HMCN2: variants seen among roughly 807,000 people sequenced by gnomAD.
HMCN2 encodes hemicentin-2.
HMCN2 carries 325 observed loss-of-function variants against 377.5 expected under a neutral mutation model. The ratio of observed to expected loss-of-function variants is 0.86; its 90% CI spans 0.79 to 0.94. HMCN2 has a LOEUF of 0.94. Ranked by LOEUF, HMCN2 falls within the 40% of genes least tolerant of loss-of-function variation. The pLI, the probability that HMCN2 is intolerant of heterozygous loss-of-function variation, is 0.00. For synonymous variants in HMCN2, 2,007 were observed against 2,046.8 expected (o/e 0.98, Z 0.53); for missense variants, 4,543 against 4,725.3 (o/e 0.96, Z 1.13).
rs1490559560 is a variant in HMCN2 at position 130,352,910 on chromosome 9, A to G, written c.4586-17A>G. 8.0e-7 allele frequency: 1 copy of G among 1,251,172 alleles called. No individual in the cohort carries two copies. Among genetic ancestry groups the G allele is most frequent in the East Asian group, 5.8e-5 (1 of 17,376 alleles). 77.5% of individuals were successfully genotyped at this position (1,251,172 alleles called of 1,614,324 possible). ...TCAGCGGCTGCCTGTGACCAGCCCC[A>G]CCTCTTTCCTTCTCAGCGCCCCCCA... On this transcript the variant is annotated splice_polypyrimidine_tract_variant and intron_variant, in intron 30 of 97. Coordinates refer to ENST00000683500, the MANE Select transcript of HMCN2 (RefSeq NM_001291815.2).
chr9:130,373,117 C>T lies in HMCN2; in HGVS notation c.7431C>T (p.Asn2477=), dbSNP rs542742227. The change falls in exon 48 of 98, where the codon AAC becomes AAT. Residue 2477 remains asparagine (N), a synonymous_variant. Transcript: ENST00000683500. ...LDGQTAHLMC[N]VTGHPQPKLT... is the part of the protein sequence containing the mutation. ...GACAGACTGCCCATCTTATGTGCAA[C>T]GTCACAGGTAAGGGCCACATGATGT... is the stretch of plus-strand genomic sequence containing the variant. The T allele has an allele frequency of 1.7e-4, 169 of 980,158 alleles. No individual in the cohort carries two copies. The South Asian group carries it at 2.4e-3, about 14-fold the overall frequency. 60.7% of individuals were successfully genotyped at this position (980,158 alleles called of 1,614,324 possible).
rs932984592 is a variant in HMCN2 at position 130,335,165 on chromosome 9, C to A, written c.3360-2729C>A. Among the ~76,000 whole-genome samples the A allele has an allele frequency of 3.3e-5, 5 of 152,072 alleles. No homozygotes were observed. In the South Asian group the frequency reaches 1.0e-3, roughly 32 times the overall value. ...TCGGATCCAGAACTCCAGTTTCTAG[C>A]CCAGACCTCTTCCTACTGGCCCACA... On this transcript the variant is annotated intron_variant, in intron 22 of 97. Coordinates refer to ENST00000683500, the MANE Select transcript of HMCN2 (RefSeq NM_001291815.2).
intron 22 of HMCN2, among the ~76,000 whole-genome samples, chr9:130,336,132 G>T (rs1838736658): frequency 6.6e-6 from 1 of 152,118 alleles, no homozygotes; most frequent in Admixed American, 6.5e-5. Flanking sequence ...AGGAAAGAAG[G>T]AAGGAGAAAG....
rs1322522012 is a variant in HMCN2, at chr9:130,351,487, G to A, written c.4495G>A (p.Gly1499Ser). 32 of 1,304,180 alleles carry A rather than the reference G, an allele frequency of 2.5e-5. 1 individual carries two copies. Among genetic ancestry groups the A allele is most frequent in the African/African-American group, 3.0e-5 (2 of 65,868 alleles). The allele number at this position is 1,304,180 out of a possible 1,614,324, so 80.8% of individuals were successfully genotyped here. A position where few individuals can be genotyped will look rare whatever the true frequency, so the allele number is the denominator to read the frequency against. The change falls in exon 30 of 98, where the codon GGC becomes AGC. Residue 1499 changes from glycine (G) to serine (S), a missense_variant. Physicochemically the swap from Gly to Ser is moderately conservative, Grantham distance 56 (BLOSUM62 0). Transcript: ENST00000683500. The surrounding 1 kb of genome is among the most constrained non-coding windows in gnomAD (Gnocchi z 5.4). The part of the protein sequence containing the change: ...QEDGQVLRIT[G>S]SHVGDEGRYQ... ...GGATGGCCAGGTTCTCAGGATCACCGGCAGTCACGTGGGGGATGAGGGACG... is the reference window on the plus strand; with the variant it reads ...GGATGGCCAGGTTCTCAGGATCACCAGCAGTCACGTGGGGGATGAGGGACG...
At chr9:130,420,353 C>T (rs1340720479) in intron 86 of HMCN2, among the ~76,000 whole-genome samples, 3 of 152,114 alleles carry the variant, frequency 2.0e-5, no homozygotes, top group Admixed American at 1.3e-4. Flanking sequence ...GGATTACAGG[C>T]GTGAGCCACC....
At chr9:130,268,438 A>G (rs1834237312) in intron 1 of HMCN2, among the ~76,000 whole-genome samples, 1 of 125,400 alleles carries the variant, frequency 8.0e-6, no homozygotes, top group Non-Finnish European at 2.0e-5. Flanking sequence ...GAGCCCAGGG[A>G]GGCTCACAGT....
chr9:130,399,632 G>A lies in HMCN2; in HGVS notation c.11605G>A (p.Val3869Met), dbSNP rs1842771523. 1 of 1,288,466 alleles carries A rather than the reference G, an allele frequency of 7.8e-7. No homozygotes were observed. Among genetic ancestry groups the A allele is most frequent in the Non-Finnish European group, 1.0e-6 (1 of 987,590 alleles). The allele number at this position is 1,288,466 out of a possible 1,614,324, so 79.8% of individuals were successfully genotyped here. Residue 3869 changes from valine (V) to methionine (M), a missense_variant and splice_region_variant, in exon 76 of 98, where the codon GTG (valine) becomes ATG (methionine). Val to Met is a conservative substitution (Grantham distance 21). Coordinates refer to ENST00000683500, the MANE Select transcript of HMCN2 (RefSeq NM_001291815.2). ...CAGGCTCTACCAGGTGACCGTCCAT[G>A]GTGAGTCGGGGCAGAGGTGGAGGGG... ...AHRLYQVTVHVPPTIADDQTD... is the reference protein window; with the variant it reads ...AHRLYQVTVHMPPTIADDQTD...
In HMCN2 at chr9:130,351,699, G is replaced by T; in HGVS notation, c.4585+122G>T. ...GGGGGACCTGGTGAGTGATCCCTGAGTCCAAGAAAGCTGGGGGCTGGGGTC... is the reference window on the plus strand; with the variant it reads ...GGGGGACCTGGTGAGTGATCCCTGATTCCAAGAAAGCTGGGGGCTGGGGTC... On this transcript the variant is annotated intron_variant, in intron 30 of 97. Coordinates refer to ENST00000683500, the MANE Select transcript of HMCN2 (RefSeq NM_001291815.2). This position sits in a 1 kb window ranked among gnomAD's most constrained non-coding sequence, Gnocchi z 5.4. 2.5e-6 allele frequency: 2 copies of T among 813,006 alleles called. No homozygotes were observed. The highest frequency in any genetic ancestry group is 1.7e-6 in the Non-Finnish European group (1 of 600,150). 50.4% of individuals were successfully genotyped at this position (813,006 alleles called of 1,614,324 possible). A position where few individuals can be genotyped will look rare whatever the true frequency, so the allele number is the denominator to read the frequency against.
chr9:130,429,854 T>A, intron 94 of HMCN2, 169 bp downstream of exon 94: 2 of 1,287,608 alleles, frequency 1.6e-6, no homozygotes, highest in East Asian at 2.7e-5. Context: ...GTTCTGAGAA[T>A]AACCAAACAG....
chr9:130,389,425 A>G (rs1432005433), intron 62 of HMCN2, among the ~76,000 whole-genome samples: 2 of 151,938 alleles, frequency 1.3e-5, no homozygotes, highest in Non-Finnish European at 2.9e-5. Flanking sequence ...GACCCAGGAA[A>G]CCACAAATCT....
chr9:130,340,825 G>A (rs956239628), intron 23 of HMCN2, among the ~76,000 whole-genome samples: 1 of 152,292 alleles, frequency 6.6e-6, no homozygotes, highest in Admixed American at 6.5e-5. Flanking sequence ...GCCCCGAGTG[G>A]CGCTTCTTAA....
chr9:130,303,407 G>C lies in HMCN2; in HGVS notation c.1422-80G>C. On this transcript the variant is annotated intron_variant, in intron 9 of 97. Transcript: ENST00000683500. The surrounding 1 kb of genome is among the most constrained non-coding windows in gnomAD (Gnocchi z 5.2). The stretch of plus-strand genomic sequence containing the variant: ...GAATTGGGGTCTCTCGTTTGGGCAG[G>C]ATTCAGGGGACTGAAGTCGGGGGGG... 1 of 353,378 alleles carries C rather than the reference G, an allele frequency of 2.8e-6. No homozygotes were observed. Among genetic ancestry groups the C allele is most frequent in the South Asian group, 2.1e-5 (1 of 47,622 alleles). The allele number at this position is 353,378 out of a possible 1,614,324, so 21.9% of individuals were successfully genotyped here. A position where few individuals can be genotyped will look rare whatever the true frequency, so the allele number is the denominator to read the frequency against.
chr9:130,422,812 C>T lies in HMCN2; in HGVS notation c.13381+86C>T, dbSNP rs11793331. 51,361 of 1,120,778 alleles carry T rather than the reference C, an allele frequency of 0.046. 1,337 individuals are homozygous for T. The highest frequency in any genetic ancestry group is 0.052 in the Non-Finnish European group (46,264 of 881,416). 69.4% of individuals were successfully genotyped at this position (1,120,778 alleles called of 1,614,324 possible). Reference sequence around the variant, plus strand: ...TCCAGAACATGCTGGACCTAGGAGGCGCAGAGCCTGTGCCCCGAGACTTGC... The same window carrying T: ...TCCAGAACATGCTGGACCTAGGAGGTGCAGAGCCTGTGCCCCGAGACTTGC... On this transcript the variant is annotated intron_variant, in intron 87 of 97. Transcript: ENST00000683500. This position sits in a 1 kb window ranked among gnomAD's most constrained non-coding sequence, Gnocchi z 4.2.
intron 3 of HMCN2, among the ~76,000 whole-genome samples, chr9:130,285,809 G>T (rs1554927458): frequency 6.6e-6 from 1 of 152,170 alleles, no homozygotes; most frequent in African/African-American, 2.4e-5. Flanking sequence ...ACAGGGCCGG[G>T]ACTGCTTCTC....
chr9:130,363,215 G>A (rs1242757615), intron 40 of HMCN2, among the ~76,000 whole-genome samples: 1 of 152,220 alleles, frequency 6.6e-6, no homozygotes, highest in Admixed American at 6.5e-5. Flanking sequence ...ATAGCCAGGA[G>A]CTCTGCCCCA....
intron 52 of HMCN2, 39 bp from the exon 53 acceptor site, chr9:130,377,609 TC>T (rs1428255557): frequency 1.0e-6 from 1 of 982,976 alleles, no homozygotes; most frequent in Non-Finnish European, 1.2e-6. Flanking sequence ...GCCCCTCATT[TC>T]TGATCTCCCT....
chr9:130,321,858 C>A lies in HMCN2; in HGVS notation c.2847C>A (p.His949Gln). ...ACCTTGACCGAGCATTGCAGGAGCA[C>A]GCGGGGAGGTACAGCTGTGTGGCCA... ...SLHLDRALQE[H>Q]AGRYSCVATN... Residue 949 changes from histidine to glutamine, a missense_variant, in exon 19 of 98, where the codon CAC becomes CAA. Transcript: ENST00000683500. The A allele has an allele frequency of 6.6e-6, 1 of 152,110 alleles. No homozygotes were observed. Among genetic ancestry groups the A allele is most frequent in the East Asian group, 1.9e-4 (1 of 5,158 alleles). 9.4% of individuals were successfully genotyped at this position (152,110 alleles called of 1,614,324 possible).
At position 130,432,439 on chromosome 9, in the gene HMCN2, G is replaced by A; in HGVS notation, c.14778G>A (p.Glu4926=). 1 of 1,551,066 alleles carries A rather than the reference G, an allele frequency of 6.4e-7. No homozygotes were observed. The highest frequency in any genetic ancestry group is 8.7e-7 in the Non-Finnish European group (1 of 1,147,102). ...AACTTCCCCATCCAGACATCAACGA[G>A]TGCGAGGAGGAGAGCATCGAGTGTG... ...PSGKNCQDIN[E]CEEESIECGP... Residue 4926 remains glutamate (E), a synonymous_variant, in exon 97 of 98, where the codon GAG becomes GAA. Transcript: ENST00000683500.
At chr9:130,425,516 C>CA (rs1844283228) in intron 89 of HMCN2, among the ~76,000 whole-genome samples, 171 bp from the exon 90 acceptor site, 1 of 151,850 alleles carries the variant, frequency 6.6e-6, no homozygotes, top group Non-Finnish European at 1.5e-5. Flanking sequence ...CCATCTCTTC[C>CA]CAAGGCTCAC....
Sources: allele counts gnomAD v4.1 joint callset (sites outside exome capture counted in the v4.1 genomes callset), GRCh38; gene constraint gnomAD v4.1.1; non-coding constraint Gnocchi (gnomAD v3.1); transcripts MANE v1.5; gene names NCBI Gene and HGNC (gene_info 2026-07-23, HGNC 2026-07-21).